The following CCDC85A variants were observed in gnomAD, a reference collection of about 807,000 sequenced individuals.
CCDC85A encodes the protein coiled-coil domain-containing protein 85A.
Under a neutral mutation model 50.2 loss-of-function variants are expected in CCDC85A, and 38 were observed. That is an observed-to-expected ratio of 0.76 (90% confidence interval 0.58 to 0.99). CCDC85A has a LOEUF of 0.99. Ranked by LOEUF, CCDC85A falls within the 50% of genes least tolerant of loss-of-function variation. The pLI, the probability that CCDC85A is intolerant of heterozygous loss-of-function variation, is 0.00. For missense variants in CCDC85A, 820 were observed against 742.0 expected (o/e 1.11, Z -1.22); for synonymous variants, 366 against 301.4 (o/e 1.21, Z -2.22).
chr2:56,192,900 C>G lies in CCDC85A; in HGVS notation c.700C>G (p.Pro234Ala). The change falls in exon 2 of 6, where the codon CCG becomes GCG. Residue 234 changes from proline (P) to alanine (A), a missense_variant. By Grantham distance (27) the Pro-to-Ala change is conservative (BLOSUM62 -1). Coordinates refer to ENST00000407595, the MANE Select transcript of CCDC85A (RefSeq NM_001080433.2). This position sits in a 1 kb window ranked among gnomAD's most constrained non-coding sequence, Gnocchi z 4.7. Reference sequence around the variant, plus strand: ...CAAGCACCACGCGAGCAGTGGCAGCCCGGAGCACCTGCAGAAGCCCCGGAG... The same window carrying G: ...CAAGCACCACGCGAGCAGTGGCAGCGCGGAGCACCTGCAGAAGCCCCGGAG... ...HHKHHASSGS[P>A]EHLQKPRSEG... is the part of the protein sequence containing the mutation. 6 of 1,611,404 alleles carry G rather than the reference C, an allele frequency of 3.7e-6. No homozygotes were observed. The highest frequency in any genetic ancestry group is 1.3e-5 in the African/African-American group (1 of 74,988).
chr2:56,219,320 G>T (rs1338400711), intron 2 of CCDC85A, among the ~76,000 whole-genome samples: 3 of 150,410 alleles, frequency 2.0e-5, no homozygotes, highest in African/African-American at 7.3e-5. Flanking sequence ...GAAATATGAA[G>T]AAATAAATGC....
intron 2 of CCDC85A, among the ~76,000 whole-genome samples, chr2:56,248,218 G>A (rs1373086609): frequency 6.6e-6 from 1 of 152,226 alleles, no homozygotes; most frequent in Non-Finnish European, 1.5e-5. Flanking sequence ...TATTCTGCCA[G>A]CCATCAGGAA....
At chr2:56,241,603 C>T (rs569392933) in intron 2 of CCDC85A, among the ~76,000 whole-genome samples, 9 of 152,240 alleles carry the variant, frequency 5.9e-5, no homozygotes, top group African/African-American at 1.9e-4. Context: ...CTGTGCCTGG[C>T]TTATTTTACT....
intron 5 of CCDC85A, among the ~76,000 whole-genome samples, chr2:56,380,924 A>G (rs978205494): frequency 6.6e-6 from 1 of 152,120 alleles, no homozygotes; most frequent in Non-Finnish European, 1.5e-5. Context: ...TCTTTTCTCT[A>G]TCCTATCAGG....
At chr2:56,258,500 C>G (rs969375184) in intron 2 of CCDC85A, among the ~76,000 whole-genome samples, 3 of 152,140 alleles carry the variant, frequency 2.0e-5, no homozygotes, top group African/African-American at 7.2e-5. Flanking sequence ...GAGTCCTTCT[C>G]CACAGAGAGT....
intron 3 of CCDC85A, among the ~76,000 whole-genome samples, chr2:56,343,452 A>G (rs554588546): frequency 7.2e-5 from 11 of 152,332 alleles, no homozygotes; most frequent in African/African-American, 2.2e-4. Flanking sequence ...ACAGCAATTG[A>G]CAGTTTTTGC....
intron 2 of CCDC85A, among the ~76,000 whole-genome samples, chr2:56,309,218 A>T (rs1229674261): frequency 1.3e-5 from 2 of 152,186 alleles, no homozygotes; most frequent in African/African-American, 4.8e-5. Context: ...GGAGAAAATA[A>T]TCAATTTATG....
chr2:56,304,992 A>G (rs113288635), intron 2 of CCDC85A, among the ~76,000 whole-genome samples: 8,357 of 151,952 alleles, frequency 0.055, 776 homozygotes, highest in African/African-American at 0.19. Flanking sequence ...AGTCCCAGCT[A>G]TTCAGGAGGC....
chr2:56,360,309 C>T (rs528322737), intron 3 of CCDC85A, among the ~76,000 whole-genome samples: 1 of 152,206 alleles, frequency 6.6e-6, no homozygotes, highest in Non-Finnish European at 1.5e-5. Flanking sequence ...CCACGTGAAG[C>T]TAATTGATAG....
At chr2:56,349,428 A>G (rs1674793807) in intron 3 of CCDC85A, among the ~76,000 whole-genome samples, 1 of 152,206 alleles carries the variant, frequency 6.6e-6, no homozygotes. Context: ...TGGAGAAAAA[A>G]TCATGCTAGA....
At chr2:56,349,779 C>T (rs1275196023) in intron 3 of CCDC85A, among the ~76,000 whole-genome samples, 3 of 151,500 alleles carry the variant, frequency 2.0e-5, no homozygotes, top group African/African-American at 7.3e-5. Flanking sequence ...AATAGTGTTG[C>T]CTTTTTATAT....
intron 2 of CCDC85A, among the ~76,000 whole-genome samples, chr2:56,335,145 A>T (rs1167902058): frequency 2.0e-5 from 3 of 152,196 alleles, no homozygotes; most frequent in Admixed American, 6.5e-5. Flanking sequence ...TGAGAAATAT[A>T]ATCACTTATA....
chr2:56,189,320 G>C (rs1245396436), intron 1 of CCDC85A, among the ~76,000 whole-genome samples: 1 of 46,658 alleles, frequency 2.1e-5, no homozygotes, highest in Non-Finnish European at 5.3e-5. Context: ...TTTGAGACAA[G>C]GTCTCACTCT....
intron 2 of CCDC85A, among the ~76,000 whole-genome samples, chr2:56,197,043 A>G (rs1344965119): frequency 3.9e-5 from 6 of 152,172 alleles, no homozygotes; most frequent in Non-Finnish European, 8.8e-5. Flanking sequence ...CCTGCATTAA[A>G]CAAGGTCCAT....
chr2:56,188,676 G>A (rs966769113), intron 1 of CCDC85A, among the ~76,000 whole-genome samples: 9 of 152,200 alleles, frequency 5.9e-5, no homozygotes, highest in Admixed American at 3.3e-4. Flanking sequence ...CTGATTTCCT[G>A]TAAAGCATCA....
chr2:56,359,589 AT>A (rs1675422811), intron 3 of CCDC85A, among the ~76,000 whole-genome samples: 1 of 152,208 alleles, frequency 6.6e-6, no homozygotes, highest in South Asian at 2.1e-4. Flanking sequence ...GAATTTCTGT[AT>A]ACACCTTCAC....
At chr2:56,384,238 A>G in intron 5 of CCDC85A, 28 bp from the exon 6 acceptor site, 1 of 1,587,542 alleles carries the variant, frequency 6.3e-7, no homozygotes. Flanking sequence ...GAAAAGTAAG[A>G]TACTCACTCC....
intron 2 of CCDC85A, among the ~76,000 whole-genome samples, chr2:56,282,613 T>G (rs13384514): frequency 0.091 from 13,847 of 152,196 alleles, 2,075 homozygotes; most frequent in African/African-American, 0.31. Context: ...AGGCTCAAGC[T>G]ATTCTCCTGC....
At chr2:56,286,144 A>AT (rs1558623403) in intron 2 of CCDC85A, among the ~76,000 whole-genome samples, 1 of 150,982 alleles carries the variant, frequency 6.6e-6, no homozygotes, top group Non-Finnish European at 1.5e-5. Context: ...TGCTTGTATG[A>AT]TTTTTTTCTG....
Sources: allele counts gnomAD v4.1 joint callset (sites outside exome capture counted in the v4.1 genomes callset), GRCh38; gene constraint gnomAD v4.1.1; non-coding constraint Gnocchi (gnomAD v3.1); transcripts MANE v1.5; gene names NCBI Gene and HGNC (gene_info 2026-07-23, HGNC 2026-07-21).